The following RSPO3 variants were observed in gnomAD, a reference collection of about 807,000 sequenced individuals.
The protein encoded by RSPO3 is R-spondin 3.
Under a neutral mutation model 36.5 loss-of-function variants are expected in RSPO3, and 17 were observed. That is an observed-to-expected ratio of 0.47 (90% CI 0.32 to 0.70). The LOEUF (loss-of-function observed/expected upper bound fraction) is 0.70, where lower values mean the gene tolerates loss of function less well. Among genes scored for constraint, RSPO3 ranks in the 30% least tolerant of loss-of-function variants. RSPO3 has a pLI of 0.04. For missense variants in RSPO3, 294 were observed against 322.5 expected (o/e 0.91, Z 0.68); for synonymous variants, 108 against 107.0 (o/e 1.01, Z -0.06).
At chr6:127,124,226 A>G (rs914585194) in intron 1 of RSPO3, among the ~76,000 whole-genome samples, 4 of 152,008 alleles carry the variant, frequency 2.6e-5, no homozygotes, top group East Asian at 1.9e-4. Context: ...CTCCATCCCA[A>G]TGTTTCATTT....
At chr6:127,152,873 G>T (rs1416477878) in intron 3 of RSPO3, among the ~76,000 whole-genome samples, 1 of 151,974 alleles carries the variant, frequency 6.6e-6, no homozygotes, top group Non-Finnish European at 1.5e-5. Flanking sequence ...TCTCTTAGTT[G>T]GATTTGTTCA....
chr6:127,127,853 T>C (rs1459542138), intron 1 of RSPO3, among the ~76,000 whole-genome samples: 1 of 152,066 alleles, frequency 6.6e-6, no homozygotes, highest in East Asian at 1.9e-4. Flanking sequence ...ATAAGCCTTT[T>C]TTCAAACATT....
intron 1 of RSPO3, among the ~76,000 whole-genome samples, chr6:127,134,038 A>C (rs1774106989): frequency 6.6e-6 from 1 of 152,184 alleles, no homozygotes; most frequent in Non-Finnish European, 1.5e-5. Context: ...GTTGGAAATT[A>C]ATTAGTTTAC....
chr6:127,146,910 C>T (rs899434134), intron 1 of RSPO3, among the ~76,000 whole-genome samples: 3 of 152,118 alleles, frequency 2.0e-5, no homozygotes, highest in African/African-American at 4.8e-5. Context: ...AATATGTACA[C>T]GTTTTCTGTA....
intron 4 of RSPO3, 86 bp downstream of exon 4, chr6:127,155,524 TTA>T: frequency 8.3e-7 from 1 of 1,204,502 alleles, no homozygotes; most frequent in Non-Finnish European, 1.2e-6. Flanking sequence ...ACACTTGGCA[TTA>T]TCTTTCATGC....
intron 4 of RSPO3, 142 bp downstream of exon 4, chr6:127,155,580 A>G (rs1562246667): frequency 2.5e-6 from 2 of 789,110 alleles, no homozygotes; most frequent in Non-Finnish European, 4.1e-6. Flanking sequence ...TGCTGCTTGT[A>G]AATTACAGAA....
intron 3 of RSPO3, among the ~76,000 whole-genome samples, chr6:127,155,032 T>C (rs1774564595): frequency 6.6e-6 from 1 of 152,118 alleles, no homozygotes; most frequent in Admixed American, 6.6e-5. Context: ...CAAAAATGAG[T>C]TTACCTGATA....
At position 127,133,433 on chromosome 6, in the gene RSPO3, A is replaced by G. The variant is rs541300520; in HGVS notation, c.97+14144A>G. On this transcript the variant is annotated intron_variant, in intron 1 of 4. Coordinates refer to ENST00000356698, the MANE Select transcript of RSPO3 (RefSeq NM_032784.5). ...GGCAGGGACATTGATTTTAATTTAT[A>G]TATTGCTATATAATTTAGACAAATC... is the stretch of plus-strand genomic sequence containing the variant. Among the ~76,000 whole-genome samples, 66 of 152,250 alleles carry G rather than the reference A, an allele frequency of 4.3e-4. 1 individual carries two copies. Among genetic ancestry groups the G allele is most frequent in the African/African-American group, 1.5e-3 (61 of 41,580 alleles).
rs145167618 is a variant in RSPO3, at chr6:127,168,979, C to T, written c.634+13541C>T. Among the ~76,000 whole-genome samples, 498 of 152,064 alleles carry T rather than the reference C, an allele frequency of 3.3e-3. 3 individuals carry two copies. The highest frequency in any genetic ancestry group is 0.011 in the African/African-American group (475 of 41,502). ...CTATATCTCTGTTTTGGTACGAGGA[C>T]CATGCTGTTTTGGTTACTGTAGCCT... On this transcript the variant is annotated intron_variant, in intron 4 of 4. Transcript: ENST00000356698.
intron 4 of RSPO3, among the ~76,000 whole-genome samples, chr6:127,174,771 T>A (rs1465792724): frequency 6.6e-6 from 1 of 151,880 alleles, no homozygotes; most frequent in Non-Finnish European, 1.5e-5. Flanking sequence ...CACATTTTTT[T>A]AAAGTATTTT....
chr6:127,158,330 A>G (rs931648104), intron 4 of RSPO3, among the ~76,000 whole-genome samples: 1 of 152,108 alleles, frequency 6.6e-6, no homozygotes, highest in Non-Finnish European at 1.5e-5. Context: ...AAATAAGAAG[A>G]TTCCTTTAGG....
intron 4 of RSPO3, among the ~76,000 whole-genome samples, chr6:127,173,838 T>G (rs1047457397): frequency 2.0e-5 from 3 of 151,812 alleles, no homozygotes; most frequent in African/African-American, 7.2e-5. Flanking sequence ...TGAAGGCACG[T>G]GAGATTGAGA....
chr6:127,138,397 C>T (rs1462085867), intron 1 of RSPO3, among the ~76,000 whole-genome samples: 1 of 152,106 alleles, frequency 6.6e-6, no homozygotes, highest in South Asian at 2.1e-4. Context: ...AAAGTAGCCA[C>T]TCTATGACTG....
At chr6:127,129,634 A>G (rs1238803377) in intron 1 of RSPO3, among the ~76,000 whole-genome samples, 6 of 152,056 alleles carry the variant, frequency 3.9e-5, no homozygotes, top group African/African-American at 1.4e-4. Flanking sequence ...CCAGAAAACA[A>G]TGCTTTTTCA....
chr6:127,179,360 C>T (rs1165414459), intron 4 of RSPO3, among the ~76,000 whole-genome samples: 1 of 151,830 alleles, frequency 6.6e-6, no homozygotes, highest in African/African-American at 2.4e-5. Flanking sequence ...TATTAGTTTG[C>T]ATCTTATCAA....
At chr6:127,132,791 C>A (rs1209337358) in intron 1 of RSPO3, among the ~76,000 whole-genome samples, 1 of 152,042 alleles carries the variant, frequency 6.6e-6, no homozygotes, top group Non-Finnish European at 1.5e-5. Flanking sequence ...ACAGCATTTT[C>A]AAGTGTTTAT....
intron 1 of RSPO3, among the ~76,000 whole-genome samples, chr6:127,137,435 T>C (rs967335655): frequency 6.6e-6 from 1 of 152,156 alleles, no homozygotes; most frequent in Non-Finnish European, 1.5e-5. Context: ...TTGTATGGGC[T>C]TTCCCCAAGT....
intron 4 of RSPO3, among the ~76,000 whole-genome samples, chr6:127,180,029 T>C (rs1314118290): frequency 6.6e-6 from 1 of 151,894 alleles, no homozygotes. Context: ...TATGCAAATA[T>C]GTATGAGACT....
At chr6:127,195,297 T>C (rs1024432781) in intron 4 of RSPO3, among the ~76,000 whole-genome samples, 1 of 152,116 alleles carries the variant, frequency 6.6e-6, no homozygotes, top group Admixed American at 6.5e-5. Flanking sequence ...GCCTTCTGCA[T>C]AGCTGGGACA....
Sources: allele counts gnomAD v4.1 joint callset (sites outside exome capture counted in the v4.1 genomes callset), GRCh38; gene constraint gnomAD v4.1.1; transcripts MANE v1.5; gene names NCBI Gene and HGNC (gene_info 2026-07-23, HGNC 2026-07-21).